CDS2: variants seen among roughly 807,000 people sequenced by gnomAD.
CDS2 encodes the protein CDP-diacylglycerol synthase 2.
A neutral mutation model predicts 59.0 loss-of-function variants in CDS2; 47 were observed. The ratio of observed to expected loss-of-function variants is 0.80; its 90% CI spans 0.63 to 1.02. The LOEUF (loss-of-function observed/expected upper bound fraction) is 1.02. Ranked by LOEUF, CDS2 falls within the 50% of genes least tolerant of loss-of-function variation. CDS2 has a pLI of 0.00. For synonymous variants in CDS2, 207 were observed against 206.4 expected (o/e 1.00, Z -0.02); for missense variants, 356 against 558.9 (o/e 0.64, Z 3.66).
rs17720457 is a variant in CDS2, at chr20:5,176,885, A to G, written c.389+140A>G. ...GGCAGTTATCATGTTAGGTCATACAAAGTTTCATGAAGAAAATGGTATTTG... is the reference window on the plus strand; with the variant it reads ...GGCAGTTATCATGTTAGGTCATACAGAGTTTCATGAAGAAAATGGTATTTG... On this transcript the variant is annotated intron_variant, in intron 4 of 12. Transcript: ENST00000460006. 4.6e-3 allele frequency: 3,010 copies of G among 652,364 alleles called. 15 individuals carry two copies. The highest frequency in any genetic ancestry group is 6.7e-3 in the Middle Eastern group (16 of 2,380). 40.4% of individuals were successfully genotyped at this position (652,364 alleles called of 1,614,324 possible).
chr20:5,175,186 G>A lies in CDS2; in HGVS notation c.198G>A (p.Trp66Ter), dbSNP rs1348154195. Residue 66 changes from tryptophan to a stop codon, truncating the protein, a stop_gained, in exon 3 of 13, where the codon TGG (tryptophan) becomes TGA (stop). Transcript: ENST00000460006. LOFTEE classifies it high-confidence loss of function. ...CTTCCCCTGCTCTCTGACCTAGATG[G>A]AAGAACTGGTGGGTGAGAGGCATCC... ...NRALSNLSSR[W>*]KNWWVRGILT... The A allele has an allele frequency of 6.2e-7, 1 of 1,613,336 alleles. No homozygotes were observed. The highest frequency in any genetic ancestry group is 1.3e-5 in the African/African-American group (1 of 74,920).
intron 1 of CDS2, among the ~76,000 whole-genome samples, chr20:5,130,027 C>T (rs2090591516): frequency 6.6e-6 from 1 of 152,054 alleles, no homozygotes; most frequent in African/African-American, 2.4e-5. Flanking sequence ...GGCTGGAGTG[C>T]AATGGCACAA....
chr20:5,127,189 C>A, intron 1 of CDS2, 40 bp downstream of exon 1: 2 of 1,457,568 alleles, frequency 1.4e-6, no homozygotes, highest in Non-Finnish European at 1.8e-6. Context: ...GGGACAGCGG[C>A]GCATCCGGGA....
chr20:5,153,889 G>T (rs909815766), intron 1 of CDS2, among the ~76,000 whole-genome samples: 1 of 152,144 alleles, frequency 6.6e-6, no homozygotes, highest in Admixed American at 6.5e-5. Context: ...TGCTTTGGAG[G>T]TTTGTGGCTT....
intron 1 of CDS2, among the ~76,000 whole-genome samples, chr20:5,140,950 C>T (rs2090688601): frequency 6.6e-6 from 1 of 152,184 alleles, no homozygotes; most frequent in African/African-American, 2.4e-5. Flanking sequence ...TTTTCCATGT[C>T]TGTGATTTCC....
chr20:5,172,595 C>T (rs2090964021), intron 1 of CDS2, among the ~76,000 whole-genome samples: 1 of 152,108 alleles, frequency 6.6e-6, no homozygotes, highest in South Asian at 2.1e-4. Flanking sequence ...TTCCCAGATC[C>T]CGTTTCTTAT....
intron 10 of CDS2, among the ~76,000 whole-genome samples, chr20:5,188,100 CACAA>C (rs1600518371): frequency 6.6e-6 from 1 of 151,206 alleles, no homozygotes; most frequent in Admixed American, 6.6e-5. Context: ...TGAGAAAAAA[CACAA>C]ACATATTTGA....
intron 11 of CDS2, 35 bp from the exon 12 acceptor site, chr20:5,189,700 C>T (rs1600520209): frequency 2.6e-6 from 4 of 1,542,500 alleles, no homozygotes; most frequent in Non-Finnish European, 3.6e-6. Context: ...AGTGGCTGAG[C>T]CCAAGTTCAC....
At position 5,175,272 on chromosome 20, in the gene CDS2, T is replaced by G. The variant is rs757581849; in HGVS notation, c.284T>G (p.Met95Arg). 3.1e-6 allele frequency: 5 copies of G among 1,613,352 alleles called. No homozygotes were observed. The East Asian group carries it at 8.9e-5, about 29-fold the overall frequency. ...IIIYLGPMVL[M>R]IIVMCVQIKC... is the part of the protein sequence containing the mutation. ...ATTTACCTGGGACCAATGGTTTTGATGATAATCGTAAGTGCCATTTCACAC... is the reference window on the plus strand; with the variant it reads ...ATTTACCTGGGACCAATGGTTTTGAGGATAATCGTAAGTGCCATTTCACAC... Residue 95 changes from methionine (M) to arginine (R), a missense_variant, in exon 3 of 13, where the codon ATG (methionine) becomes AGG (arginine). Physicochemically the swap from Met to Arg is moderately conservative, Grantham distance 91. This residue lies in a region of CDS2 where 107 missense variants were observed against 129.7 expected (regional missense o/e 0.82). Transcript: ENST00000460006.
chr20:5,183,715 CT>C (rs1568543461), intron 7 of CDS2, among the ~76,000 whole-genome samples: 3 of 152,162 alleles, frequency 2.0e-5, no homozygotes, highest in African/African-American at 7.2e-5. Context: ...ATAAATCATT[CT>C]AAATAAAATA....
intron 1 of CDS2, among the ~76,000 whole-genome samples, chr20:5,139,985 A>G (rs1315121271): frequency 1.3e-5 from 2 of 152,064 alleles, no homozygotes; most frequent in Non-Finnish European, 2.9e-5. Context: ...ATTTTTTAGT[A>G]GAGACAGGGT....
At chr20:5,177,608 C>A (rs2091003888) in intron 4 of CDS2, among the ~76,000 whole-genome samples, 1 of 152,188 alleles carries the variant, frequency 6.6e-6, no homozygotes, top group South Asian at 2.1e-4. Flanking sequence ...GGACCTGGGG[C>A]AAATGTGGAC....
At position 5,183,130 on chromosome 20, in the gene CDS2, G is replaced by A; in HGVS notation, c.658G>A (p.Glu220Lys). 1.2e-6 allele frequency: 2 copies of A among 1,613,822 alleles called. No individual in the cohort carries two copies. The highest frequency in any genetic ancestry group is 1.7e-6 in the Non-Finnish European group (2 of 1,179,760). The change falls in exon 7 of 13, where the codon GAA (glutamate) becomes AAA (lysine). Residue 220 changes from glutamate (E) to lysine (K), a missense_variant. By Grantham distance (56) the Glu-to-Lys change is moderately conservative. Coordinates refer to ENST00000460006, the MANE Select transcript of CDS2 (RefSeq NM_003818.4). ...QSHLVIHNLF[E>K]GMIWFIVPIS... ...ACATCTTGTTATCCACAACCTATTT[G>A]AAGGAATGATCTGGTGAGAATTGGG... is the stretch of plus-strand genomic sequence containing the variant.
intron 1 of CDS2, among the ~76,000 whole-genome samples, chr20:5,129,815 G>T: frequency 6.6e-6 from 1 of 151,488 alleles, no homozygotes; most frequent in African/African-American, 2.4e-5. Context: ...TCCTGACTTC[G>T]TGATCTGCCC....
At chr20:5,180,288 A>G (rs562815952) in intron 5 of CDS2, among the ~76,000 whole-genome samples, 28 of 151,408 alleles carry the variant, frequency 1.8e-4, no homozygotes, top group African/African-American at 6.3e-4. Context: ...ATACTAGGAC[A>G]GGTATTGGCA....
At chr20:5,186,942 C>T in intron 10 of CDS2, 103 bp downstream of exon 10, 2 of 1,316,924 alleles carry the variant, frequency 1.5e-6, no homozygotes, top group Non-Finnish European at 2.1e-6. Context: ...CTTCCTCCTT[C>T]CCAAAGCTGT....
chr20:5,188,732 G>T (rs2091089313), intron 10 of CDS2, among the ~76,000 whole-genome samples: 1 of 152,206 alleles, frequency 6.6e-6, no homozygotes, highest in Non-Finnish European at 1.5e-5. Flanking sequence ...CTGGCTTCTG[G>T]TGAGGGCTTT....
At chr20:5,141,982 G>A (rs2090698090) in intron 1 of CDS2, among the ~76,000 whole-genome samples, 1 of 152,172 alleles carries the variant, frequency 6.6e-6, no homozygotes, top group Non-Finnish European at 1.5e-5. Context: ...ATGGAAGAGT[G>A]GGGAGTGATA....
chr20:5,185,736 A>C (rs762214375), intron 8 of CDS2, 22 bp from the exon 9 acceptor site: 6 of 1,611,322 alleles, frequency 3.7e-6, no homozygotes, highest in African/African-American at 1.3e-5. Flanking sequence ...CCCTTTGCTG[A>C]GAACTTGCTC....
Sources: allele counts gnomAD v4.1 joint callset (sites outside exome capture counted in the v4.1 genomes callset), GRCh38; gene constraint gnomAD v4.1.1; regional missense constraint gnomAD v4.1.1; transcripts MANE v1.5; gene names NCBI Gene and HGNC (gene_info 2026-07-23, HGNC 2026-07-21).